RAD54L2: variants seen among roughly 807,000 people sequenced by gnomAD.
RAD54L2 encodes RAD54 like 2.
In RAD54L2, 27 loss-of-function variants were observed where a neutral mutation model predicts 138.4. The ratio of observed to expected loss-of-function variants is 0.20; its 90% CI spans 0.14 to 0.27. RAD54L2 has a LOEUF of 0.27. Among genes scored for constraint, RAD54L2 ranks in the 10% least tolerant of loss-of-function variants. The pLI is 1.00. For missense variants in RAD54L2, 1,396 were observed against 1,890.2 expected, an observed-to-expected ratio of 0.74 and a Z score of 4.85; for synonymous variants, 644 against 723.2, an observed-to-expected ratio of 0.89 and a Z score of 1.76.
At chr3:51,642,473 A>C (rs1701164031) in intron 15 of RAD54L2, among the ~76,000 whole-genome samples, 1 of 152,096 alleles carries the variant, frequency 6.6e-6, no homozygotes, top group Non-Finnish European at 1.5e-5. Flanking sequence ...GGAAAAAAAA[A>C]GTCATTCCTT....
rs959600286 is a variant in RAD54L2 at position 51,638,378 on chromosome 3, A to G, written c.1860+57A>G. On this transcript the variant is annotated intron_variant, in intron 12 of 22. Coordinates refer to ENST00000684192, the MANE Select transcript of RAD54L2 (RefSeq NM_015106.4). This position sits in a 1 kb window ranked among gnomAD's most constrained non-coding sequence, Gnocchi z 4.3. ...GGGACTAAGGATACACATGGTCCCA[A>G]GGGAGTTACTCCTACTGAGAGTCTT... The G allele has an allele frequency of 1.1e-5, 17 of 1,591,620 alleles. No homozygotes were observed. Among genetic ancestry groups the G allele is most frequent in the Non-Finnish European group, 1.5e-5 (17 of 1,163,198 alleles).
Position 51,663,129 on chromosome 3 carries a change from C to T in RAD54L2, c.4113C>T (p.Leu1371=), listed in dbSNP as rs527572938. Residue 1371 remains leucine, a synonymous_variant, in exon 23 of 23, where the codon CTC becomes CTT. Coordinates refer to ENST00000684192, the MANE Select transcript of RAD54L2 (RefSeq NM_015106.4). Reference sequence around the variant, plus strand: ...CTGCCAGCAACCCCTCCTTCATGCTCAACCCTTCTGTGCCAGGGATACTAC... The same window carrying T: ...CTGCCAGCAACCCCTCCTTCATGCTTAACCCTTCTGTGCCAGGGATACTAC... ...SVTASNPSFM[L]NPSVPGILPS... is the part of the protein sequence containing the mutation. 6.2e-7 allele frequency: 1 copy of T among 1,614,026 alleles called. No individual in the cohort carries two copies.
intron 3 of RAD54L2, among the ~76,000 whole-genome samples, chr3:51,625,252 C>G (rs1305594642): frequency 2.0e-5 from 3 of 152,104 alleles, no homozygotes; most frequent in Non-Finnish European, 2.9e-5. Flanking sequence ...AACCCCATCT[C>G]TACTAAAAAT....
At chr3:51,656,307 C>A in intron 20 of RAD54L2, 137 bp downstream of exon 20, 1 of 756,548 alleles carries the variant, frequency 1.3e-6, no homozygotes, top group Non-Finnish European at 2.0e-6. Context: ...ATAGGGAAGA[C>A]AACAGTCCCT....
intron 1 of RAD54L2, among the ~76,000 whole-genome samples, chr3:51,540,022 C>G (rs1698510846): frequency 6.6e-6 from 1 of 152,004 alleles, no homozygotes; most frequent in African/African-American, 2.4e-5. Context: ...TTTTTTCTTT[C>G]CTCCGTTGTT....
At chr3:51,543,108 C>T (rs1698596829) in intron 2 of RAD54L2, among the ~76,000 whole-genome samples, 1 of 151,876 alleles carries the variant, frequency 6.6e-6, no homozygotes, top group South Asian at 2.1e-4. Context: ...GCACTCTGTT[C>T]AGGCATGTTT....
intron 14 of RAD54L2, among the ~76,000 whole-genome samples, chr3:51,641,090 C>T (rs531335197): frequency 1.3e-5 from 2 of 152,054 alleles, no homozygotes; most frequent in South Asian, 4.2e-4. Context: ...GCATCTTCCA[C>T]TTCCCAGGTT....
Position 51,638,413 on chromosome 3 carries a change from G to C in RAD54L2, c.1860+92G>C. ...TCCTACTGAGAGTCTTCAATAAAGG[G>C]AGAATAAAGTGAGAGGGGGCCACCT... is the stretch of plus-strand genomic sequence containing the variant. On this transcript the variant is annotated intron_variant, in intron 12 of 22. Transcript: ENST00000684192. The surrounding 1 kb of genome is among the most constrained non-coding windows in gnomAD (Gnocchi z 4.3). The C allele has an allele frequency of 6.7e-7, 1 of 1,483,952 alleles. No homozygotes were observed. Among genetic ancestry groups the C allele is most frequent in the Non-Finnish European group, 9.2e-7 (1 of 1,085,686 alleles). 91.9% of individuals were successfully genotyped at this position (1,483,952 alleles called of 1,614,324 possible).
Position 51,585,575 on chromosome 3 carries a change from G to A in RAD54L2, c.-54-4792G>A, listed in dbSNP as rs952545164. 5.9e-5 allele frequency among the ~76,000 whole-genome samples: 9 copies of A among 152,108 alleles called. No individual in the cohort carries two copies. The South Asian group carries it at 1.7e-3, about 28-fold the overall frequency. On this transcript the variant is annotated intron_variant, in intron 2 of 22. Transcript: ENST00000684192. Reference sequence around the variant, plus strand: ...ATTAATTCTGCTGATTGTTGGCCAGGTACCACTCTATTGACAGGTGGCGTT... The same window carrying A: ...ATTAATTCTGCTGATTGTTGGCCAGATACCACTCTATTGACAGGTGGCGTT...
At chr3:51,619,504 T>TC (rs1056552624) in intron 3 of RAD54L2, among the ~76,000 whole-genome samples, 7 of 151,842 alleles carry the variant, frequency 4.6e-5, no homozygotes, top group Non-Finnish European at 8.8e-5. Flanking sequence ...TTTTTTTTTT[T>TC]CCAGTTTCCT....
intron 3 of RAD54L2, among the ~76,000 whole-genome samples, chr3:51,624,977 TC>T (rs1700646624): frequency 6.6e-6 from 1 of 152,150 alleles, no homozygotes; most frequent in South Asian, 2.1e-4. Context: ...CCATGGTACA[TC>T]ATTCTTTTGG....
At chr3:51,657,501 G>C in intron 20 of RAD54L2, 79 bp from the exon 21 acceptor site, 1 of 882,668 alleles carries the variant, frequency 1.1e-6, no homozygotes, top group Non-Finnish European at 1.8e-6. Flanking sequence ...AACTGGGGTA[G>C]ATGTGGGACT....
intron 3 of RAD54L2, among the ~76,000 whole-genome samples, chr3:51,593,325 C>T (rs964424102): frequency 1.0e-4 from 15 of 143,030 alleles, no homozygotes; most frequent in South Asian, 2.3e-4. Flanking sequence ...ACTTCAGCCC[C>T]TTTTTTTTTT....
At chr3:51,594,032 T>A (rs900397610) in intron 3 of RAD54L2, among the ~76,000 whole-genome samples, 5 of 151,722 alleles carry the variant, frequency 3.3e-5, no homozygotes, top group African/African-American at 1.2e-4. Context: ...TTGACACACT[T>A]TATCATACTT....
At chr3:51,554,585 A>G (rs965943570) in intron 2 of RAD54L2, among the ~76,000 whole-genome samples, 1 of 152,180 alleles carries the variant, frequency 6.6e-6, no homozygotes, top group Non-Finnish European at 1.5e-5. Flanking sequence ...TTTACCCAAA[A>G]TACATTTCTT....
rs1359474314 is a variant in RAD54L2 at position 51,663,461 on chromosome 3, GT to G, written c.*43del. ...CCACCTCACTTGGGGCCCCCAGCAGGTTGCCCACCAAGCTGAAAGGCAGTGA... is the reference window on the plus strand; with the variant it reads ...CCACCTCACTTGGGGCCCCCAGCAGGTGCCCACCAAGCTGAAAGGCAGTGA... On this transcript the variant is annotated 3_prime_UTR_variant, in exon 23 of 23. Coordinates refer to ENST00000684192, the MANE Select transcript of RAD54L2 (RefSeq NM_015106.4). 6.3e-7 allele frequency: 1 copy of G among 1,583,474 alleles called. No individual in the cohort carries two copies. Among genetic ancestry groups the G allele is most frequent in the Admixed American group, 1.7e-5 (1 of 57,620 alleles).
At chr3:51,634,315 G>A (rs182087467) in intron 9 of RAD54L2, among the ~76,000 whole-genome samples, 25 of 148,998 alleles carry the variant, frequency 1.7e-4, no homozygotes, top group Admixed American at 1.3e-3. Context: ...CATGCATATC[G>A]TAGTAAAATT....
In RAD54L2 at chr3:51,538,738, G is replaced by A. The variant is rs1307670709; in HGVS notation, c.-294G>A. On this transcript the variant is annotated 5_prime_UTR_variant, in exon 1 of 23. Transcript: ENST00000684192. The stretch of plus-strand genomic sequence containing the variant: ...GCGGAGGCTGGCGAGCGCCGCCGCC[G>A]GTGGAGACCGACGCTTGGCCAGAGC... Among the ~76,000 whole-genome samples the A allele has an allele frequency of 6.6e-6, 1 of 151,940 alleles. No homozygotes were observed. The highest frequency in any genetic ancestry group is 1.5e-5 in the Non-Finnish European group (1 of 67,948).
chr3:51,542,956 C>T (rs4586800), intron 2 of RAD54L2, among the ~76,000 whole-genome samples: 3 of 152,110 alleles, frequency 2.0e-5, no homozygotes, highest in African/African-American at 7.2e-5. Flanking sequence ...GCATTGTGTT[C>T]TATATGGCCC....
Sources: gnomAD v4.1 joint callset for allele counts (sites outside exome capture counted in the v4.1 genomes callset) on GRCh38, gnomAD v4.1.1 for gene constraint, Gnocchi (gnomAD v3.1) non-coding constraint, MANE v1.5 for transcripts, NCBI Gene and HGNC (gene_info 2026-07-23, HGNC 2026-07-21) for gene names.